Variants in COL28A1 observed in about 807,000 individuals in gnomAD.
COL28A1 encodes the protein collagen type XXVIII alpha 1 chain.
Under a neutral mutation model 150.2 loss-of-function variants are expected in COL28A1, and 161 were observed. The observed-to-expected ratio is 1.07, with a 90% CI of 0.94 to 1.22. The LOEUF is 1.22. COL28A1 is among the 50% of genes most tolerant of loss of function. The pLI, the probability that COL28A1 is intolerant of heterozygous loss-of-function variation, is 0.00. For synonymous variants in COL28A1, 552 were observed against 469.7 expected (o/e 1.18, Z -2.26); for missense variants, 1,617 against 1,388.3 (o/e 1.16, Z -2.62).
intron 15 of COL28A1, among the ~76,000 whole-genome samples, chr7:7,456,779 T>A (rs963808946): frequency 6.6e-6 from 1 of 152,192 alleles, no homozygotes; most frequent in Admixed American, 6.5e-5. Context: ...CTGTCCTCCA[T>A]TGAGCTTAGA....
At chr7:7,368,167 T>A (rs893379321) in intron 33 of COL28A1, among the ~76,000 whole-genome samples, 1 of 152,100 alleles carries the variant, frequency 6.6e-6, no homozygotes, top group Non-Finnish European at 1.5e-5. Context: ...GACTATATGA[T>A]TCTTGCTTTT....
intron 33 of COL28A1, among the ~76,000 whole-genome samples, chr7:7,363,356 T>C (rs1780767963): frequency 6.6e-6 from 1 of 152,228 alleles, no homozygotes; most frequent in Non-Finnish European, 1.5e-5. Context: ...CATAATCATT[T>C]GGAAATTTTG....
chr7:7,443,592 C>T lies in COL28A1; in HGVS notation c.1643G>A (p.Gly548Asp). 1 of 1,614,102 alleles carries T rather than the reference C, an allele frequency of 6.2e-7. No homozygotes were observed. Among genetic ancestry groups the T allele is most frequent in the South Asian group, 1.1e-5 (1 of 91,064 alleles). Residue 548 changes from glycine (G) to aspartate (D), a missense_variant, in exon 20 of 35, where the codon GGC (glycine) becomes GAC (aspartate). Transcript: ENST00000399429. ...PEGPPGKGQP[G>D]PKGDEGKKGS... is the part of the protein sequence containing the mutation. ...ACACTGTCATTTCCATACCTTGGGGCCAGGCTGTCCTTTTCCAGGTGGTCC... is the reference window on the plus strand; with the variant it reads ...ACACTGTCATTTCCATACCTTGGGGTCAGGCTGTCCTTTTCCAGGTGGTCC...
At chr7:7,410,006 T>C (rs1250441730) in intron 27 of COL28A1, among the ~76,000 whole-genome samples, 2 of 152,232 alleles carry the variant, frequency 1.3e-5, no homozygotes. Context: ...CAGCCTACTA[T>C]ATCCTCAGAT....
At chr7:7,357,669 A>AAAC (rs1299816784), downstream of COL28A1, 1 of 151,446 alleles carries the variant, frequency 6.6e-6, no homozygotes, top group East Asian at 1.9e-4. Flanking sequence ...GGGGAAAAAA[A>AAAC]AAAAAAAGAA....
intron 31 of COL28A1, among the ~76,000 whole-genome samples, chr7:7,375,256 T>C (rs1781480622): frequency 6.6e-6 from 1 of 152,188 alleles, no homozygotes; most frequent in Admixed American, 6.5e-5. Flanking sequence ...TTAACCAGCC[T>C]GGGAAGATGA....
intron 8 of COL28A1, among the ~76,000 whole-genome samples, chr7:7,513,873 G>A (rs1781283159): frequency 6.6e-6 from 1 of 152,136 alleles, no homozygotes; most frequent in Admixed American, 6.5e-5. Flanking sequence ...CTTTTTGGTG[G>A]GCTCATTAAT....
At chr7:7,392,052 T>G (rs920934877) in intron 27 of COL28A1, among the ~76,000 whole-genome samples, 1 of 152,200 alleles carries the variant, frequency 6.6e-6, no homozygotes, top group Non-Finnish European at 1.5e-5. Flanking sequence ...GCTCATTAGT[T>G]GATGCAATTT....
At chr7:7,399,697 G>A (rs1783057876) in intron 27 of COL28A1, among the ~76,000 whole-genome samples, 1 of 152,200 alleles carries the variant, frequency 6.6e-6, no homozygotes, top group Non-Finnish European at 1.5e-5. Context: ...CGTTATGTGG[G>A]TCAATTGAAA....
At chr7:7,476,049 T>C (rs1788846220) in intron 14 of COL28A1, among the ~76,000 whole-genome samples, 1 of 152,158 alleles carries the variant, frequency 6.6e-6, no homozygotes, top group African/African-American at 2.4e-5. Flanking sequence ...ATATCGATCA[T>C]GGTGGAAGAA....
intron 10 of COL28A1, 109 bp downstream of exon 10, chr7:7,507,008 C>T (rs1780844850): frequency 1.9e-5 from 13 of 666,800 alleles, no homozygotes; most frequent in Non-Finnish European, 2.7e-5. Context: ...GGCTTCAATC[C>T]CCAGACATTC....
chr7:7,400,986 GT>G (rs1459641337), intron 27 of COL28A1, among the ~76,000 whole-genome samples: 14 of 140,542 alleles, frequency 1.0e-4, no homozygotes, highest in Non-Finnish European at 1.7e-4. Flanking sequence ...GTGTGTGTGT[GT>G]GTGTGTGTGT....
At chr7:7,541,478 A>G in the COL28A1 span, among the ~76,000 whole-genome samples, 2 of 152,196 alleles carry the variant, frequency 1.3e-5, no homozygotes, top group Non-Finnish European at 1.5e-5. Flanking sequence ...ACTTAATTAT[A>G]TATTTTCTGT....
intron 25 of COL28A1, chr7:7,420,321 C>T (rs758895245): frequency 1.3e-5 from 2 of 155,390 alleles, no homozygotes; most frequent in Non-Finnish European, 2.8e-5. Flanking sequence ...TTGTATGCAA[C>T]AAAGATTATG....
At chr7:7,485,589 T>C (rs1779584165) in intron 13 of COL28A1, among the ~76,000 whole-genome samples, 1 of 152,212 alleles carries the variant, frequency 6.6e-6, no homozygotes, top group African/African-American at 2.4e-5. Flanking sequence ...AGTTTTATAG[T>C]TTTTACATTT....
chr7:7,471,636 T>C (rs1431931938), intron 15 of COL28A1, among the ~76,000 whole-genome samples: 2 of 152,180 alleles, frequency 1.3e-5, no homozygotes, highest in Non-Finnish European at 2.9e-5. Context: ...GGCTCACACC[T>C]GTAATCCCAG....
chr7:7,520,099 G>C lies in COL28A1; in HGVS notation c.776C>G (p.Pro259Arg), dbSNP rs766717685. The change falls in exon 6 of 35, where the codon CCA (proline) becomes CGA (arginine). Residue 259 changes from proline to arginine, a missense_variant. Pro to Arg is a moderately radical substitution (Grantham distance 103). Transcript: ENST00000399429. ...DPGPPGTHGN[P>R]GIKGERGPKG... ...TGGTCCTCGCTCACCTTTGATACCTGGATTTCCATGTGTACCCTGAAGGCA... is the reference window on the plus strand; with the variant it reads ...TGGTCCTCGCTCACCTTTGATACCTCGATTTCCATGTGTACCCTGAAGGCA... 7.2e-7 allele frequency: 1 copy of C among 1,390,734 alleles called. No homozygotes were observed. The highest frequency in any genetic ancestry group is 1.2e-5 in the South Asian group (1 of 85,434). 86.1% of individuals were successfully genotyped at this position (1,390,734 alleles called of 1,614,324 possible). A position where few individuals can be genotyped will look rare whatever the true frequency, so the allele number is the denominator to read the frequency against.
At chr7:7,495,127 A>C (rs189238324) in intron 11 of COL28A1, among the ~76,000 whole-genome samples, 1 of 152,234 alleles carries the variant, frequency 6.6e-6, no homozygotes, top group Non-Finnish European at 1.5e-5. Flanking sequence ...AAATAAAAAA[A>C]CAGGTAAATT....
intron 8 of COL28A1, 135 bp downstream of exon 8, chr7:7,515,679 T>C (rs889948869): frequency 4.4e-6 from 3 of 682,716 alleles, no homozygotes; most frequent in Non-Finnish European, 2.6e-6. Flanking sequence ...ATTATTATTT[T>C]ATGTTAACTC....
Sources: gnomAD v4.1 joint callset for allele counts (sites outside exome capture counted in the v4.1 genomes callset) on GRCh38, gnomAD v4.1.1 for gene constraint, MANE v1.5 for transcripts, NCBI Gene and HGNC (gene_info 2026-07-23, HGNC 2026-07-21) for gene names.